Variants in CPEB2 observed in about 807,000 individuals in gnomAD.
CPEB2 encodes the protein cytoplasmic polyadenylation element-binding protein 2.
A neutral mutation model predicts 93.6 loss-of-function variants in CPEB2; 56 were observed. That is an observed-to-expected ratio of 0.60 (90% CI 0.48 to 0.75). CPEB2 has a LOEUF of 0.75. CPEB2 is among the 30% of genes least tolerant of loss of function. CPEB2 has a pLI of 0.00. For synonymous variants in CPEB2, 764 were observed against 586.3 expected (o/e 1.30, Z -4.38); for missense variants, 1,579 against 1,395.1 (o/e 1.13, Z -2.10).
At chr4:15,018,576 T>A (rs1447959487) in intron 4 of CPEB2, among the ~76,000 whole-genome samples, 1 of 151,336 alleles carries the variant, frequency 6.6e-6, no homozygotes, top group African/African-American at 2.4e-5. Flanking sequence ...ATGCTGGCAG[T>A]TTCAGTGGTT....
Position 15,067,024 on chromosome 4 carries a change from C to T in CPEB2, c.*644C>T, listed in dbSNP as rs1729747967. ...GTAAATGCCACCTATTAATACGGGA[C>T]TGAAAACGTTAGAGACACACTGCAT... On this transcript the variant is annotated 3_prime_UTR_variant, in exon 12 of 12. Transcript: ENST00000538197. 6.5e-6 allele frequency: 1 copy of T among 152,704 alleles called. No individual in the cohort carries two copies. The highest frequency in any genetic ancestry group is 1.5e-5 in the Non-Finnish European group (1 of 68,210). The allele number at this position is 152,704 out of a possible 1,614,324, so 9.5% of individuals were successfully genotyped here.
At position 15,003,235 on chromosome 4, in the gene CPEB2, C is replaced by G; in HGVS notation, c.562C>G (p.Pro188Ala). The G allele has an allele frequency of 6.5e-7, 1 of 1,528,550 alleles. No homozygotes were observed. The highest frequency in any genetic ancestry group is 8.7e-7 in the Non-Finnish European group (1 of 1,144,298). 94.7% of individuals were successfully genotyped at this position (1,528,550 alleles called of 1,614,324 possible). The change falls in exon 1 of 12, where the codon CCC (proline) becomes GCC (alanine). Residue 188 changes from proline (P) to alanine (A), a missense_variant. This residue lies in a region of CPEB2 where 1,411 missense variants were observed against 1,056.0 expected (regional missense o/e 1.34). Transcript: ENST00000538197. ...GAAAGAGTTCAGCCCTCCCCACCTT[C>G]CCCACCCTCCGGACTCGAAGCCGCC... ...KRKEFSPPHLPHPPDSKPPPP... is the reference protein window; with the variant it reads ...KRKEFSPPHLAHPPDSKPPPP...
intron 8 of CPEB2, among the ~76,000 whole-genome samples, chr4:15,056,478 T>C (rs958440516): frequency 6.6e-6 from 1 of 152,240 alleles, no homozygotes; most frequent in Admixed American, 6.5e-5. Flanking sequence ...GCTATCGTTA[T>C]TGTGGTTTTG....
chr4:15,009,207 A>T (rs185656291), intron 3 of CPEB2, among the ~76,000 whole-genome samples: 1 of 152,356 alleles, frequency 6.6e-6, no homozygotes, highest in Admixed American at 6.5e-5. Context: ...TGTGTGTGTT[A>T]TATGAATGGA....
chr4:15,062,013 A>G, intron 10 of CPEB2, 66 bp from the exon 11 acceptor site: 1 of 1,390,372 alleles, frequency 7.2e-7, no homozygotes. Flanking sequence ...TTTTACAAAA[A>G]GTACTTAAAA....
chr4:15,059,168 A>G lies in CPEB2; in HGVS notation c.2581-19A>G, dbSNP rs751087881. On this transcript the variant is annotated intron_variant, in intron 9 of 11. Coordinates refer to ENST00000538197, the MANE Select transcript of CPEB2 (RefSeq NM_001177382.2). ...ATAAGACATCAAGGGAGTAAGACCC[A>G]ATGTAATTTTCTTCATAGGTTCAAA... The G allele has an allele frequency of 6.9e-7, 1 of 1,441,474 alleles. No individual in the cohort carries two copies. Among genetic ancestry groups the G allele is most frequent in the African/African-American group, 1.4e-5 (1 of 71,400 alleles). 89.3% of individuals were successfully genotyped at this position (1,441,474 alleles called of 1,614,324 possible). A position where few individuals can be genotyped will look rare whatever the true frequency, so the allele number is the denominator to read the frequency against.
intron 4 of CPEB2, among the ~76,000 whole-genome samples, chr4:15,021,500 T>G (rs546001697): frequency 6.6e-6 from 1 of 152,172 alleles, no homozygotes. Context: ...CCCAACAATT[T>G]GTAAAAAGGC....
chr4:15,025,710 T>G (rs1229563275), intron 4 of CPEB2, among the ~76,000 whole-genome samples: 1 of 151,920 alleles, frequency 6.6e-6, no homozygotes, highest in Non-Finnish European at 1.5e-5. Flanking sequence ...GTACCCGACT[T>G]TTACACACAG....
At chr4:15,045,089 C>G (rs942098243) in intron 6 of CPEB2, among the ~76,000 whole-genome samples, 4 of 152,098 alleles carry the variant, frequency 2.6e-5, no homozygotes, top group Admixed American at 2.6e-4. Flanking sequence ...TTTCTCTGTG[C>G]TTTTGGCTAA....
intron 6 of CPEB2, among the ~76,000 whole-genome samples, chr4:15,051,369 C>T (rs900459291): frequency 6.6e-6 from 1 of 152,160 alleles, no homozygotes; most frequent in Non-Finnish European, 1.5e-5. Context: ...TTGTTTCCAA[C>T]ATATTTCAGC....
chr4:15,021,535 A>AAATT (rs1724816088), intron 4 of CPEB2, among the ~76,000 whole-genome samples: 1 of 152,136 alleles, frequency 6.6e-6, no homozygotes, highest in African/African-American at 2.4e-5. Flanking sequence ...TTTTTGCCAG[A>AAATT]AATTGCTTGT....
Position 15,066,377 on chromosome 4 carries a change from C to T in CPEB2, c.3102C>T (p.Asn1034=). The T allele has an allele frequency of 6.3e-7, 1 of 1,592,572 alleles. No individual in the cohort carries two copies. Among genetic ancestry groups the T allele is most frequent in the Non-Finnish European group, 8.6e-7 (1 of 1,167,692 alleles). ...DRPRQIHFRW[N] is the part of the protein sequence containing the mutation. ...CACGTCAGATCCACTTCCGCTGGAA[C>T]TAAGAATAGCAAACTGGCCTCTGTT... Residue 1034 remains asparagine (N), a synonymous_variant, in exon 12 of 12, where the codon AAC becomes AAT. Coordinates refer to ENST00000538197, the MANE Select transcript of CPEB2 (RefSeq NM_001177382.2).
intron 4 of CPEB2, among the ~76,000 whole-genome samples, chr4:15,032,678 T>C (rs1448562140): frequency 1.3e-5 from 2 of 152,130 alleles, no homozygotes; most frequent in African/African-American, 4.8e-5. Context: ...TAAAGCCACA[T>C]TGGCAAGTTG....
At position 15,008,331 on chromosome 4, in the gene CPEB2, A is replaced by AT. The variant is rs1723081263; in HGVS notation, c.1945-5dup. On this transcript the variant is annotated splice_region_variant and splice_polypyrimidine_tract_variant and intron_variant, in intron 2 of 11. Transcript: ENST00000538197. ...CATTTCTGATGAAAACTTCTATGCT[A>AT]TTGAAGGTGAGATCTAGTTTGCAGT... 2 of 1,607,966 alleles carry AT rather than the reference A, an allele frequency of 1.2e-6. No individual in the cohort carries two copies. Among genetic ancestry groups the AT allele is most frequent in the South Asian group, 2.2e-5 (2 of 90,956 alleles).
At chr4:15,043,339 C>T (rs1727360949) in intron 6 of CPEB2, among the ~76,000 whole-genome samples, 1 of 152,062 alleles carries the variant, frequency 6.6e-6, no homozygotes, top group Non-Finnish European at 1.5e-5. Context: ...ATTTCTGTCC[C>T]TGCTTTTTAG....
At chr4:15,015,930 T>C (rs191818486) in intron 3 of CPEB2, among the ~76,000 whole-genome samples, 9 of 152,094 alleles carry the variant, frequency 5.9e-5, no homozygotes, top group African/African-American at 1.9e-4. Flanking sequence ...GGCATCTCTG[T>C]CTCTCAGAAT....
At chr4:15,021,119 A>G (rs975506870) in intron 4 of CPEB2, among the ~76,000 whole-genome samples, 1 of 152,170 alleles carries the variant, frequency 6.6e-6, no homozygotes, top group African/African-American at 2.4e-5. Flanking sequence ...CACAGTTAAC[A>G]CTGTCGAGAG....
At position 15,062,470 on chromosome 4, in the gene CPEB2, G is replaced by T. The variant is rs561372634; in HGVS notation, c.2877+210G>T. 3.9e-5 allele frequency among the ~76,000 whole-genome samples: 6 copies of T among 152,014 alleles called. No individual in the cohort carries two copies. The South Asian group carries it at 1.2e-3, about 32-fold the overall frequency. On this transcript the variant is annotated intron_variant, in intron 11 of 11. Transcript: ENST00000538197. ...ATAATGTAAAAATATTAATATCATT[G>T]TGCAGCCATGTCAAAATTTTTTAAT...
chr4:15,031,201 C>G (rs901805157), intron 4 of CPEB2, among the ~76,000 whole-genome samples: 2 of 152,098 alleles, frequency 1.3e-5, no homozygotes, highest in African/African-American at 4.8e-5. Flanking sequence ...GCATCCTACA[C>G]ACTGTCAGTA....
Sources: gnomAD v4.1 joint callset for allele counts (sites outside exome capture counted in the v4.1 genomes callset) on GRCh38, gnomAD v4.1.1 for gene constraint, gnomAD v4.1.1 regional missense constraint, MANE v1.5 for transcripts, NCBI Gene and HGNC (gene_info 2026-07-23, HGNC 2026-07-21) for gene names.